The following DMD variants were observed in gnomAD, a reference collection of about 807,000 sequenced individuals.
DMD encodes dystrophin.
In DMD, 63 loss-of-function variants were observed where a neutral mutation model predicts 330.1. The observed-to-expected ratio is 0.19, with a 90% CI of 0.16 to 0.24. The LOEUF (loss-of-function observed/expected upper bound fraction) is 0.24, where lower values mean the gene tolerates loss of function less well. DMD is among the 10% of genes least tolerant of loss of function. The pLI is 1.00. For missense variants in DMD, 3,344 were observed against 2,684.1 expected, an observed-to-expected ratio of 1.25 and a Z score of -5.43; for synonymous variants, 1,223 against 959.8, an observed-to-expected ratio of 1.27 and a Z score of -5.07.
At chrX:32,471,708 T>C (rs1446907776) in intron 22 of DMD, among the ~76,000 whole-genome samples, 2 of 111,777 alleles carry the variant, frequency 1.8e-5, no homozygotes, top group African/African-American at 6.5e-5. Flanking sequence ...ACACCATTCA[T>C]ATAAAGGACT....
At chrX:32,032,175 ATTGT>A (rs1184465054) in intron 44 of DMD, among the ~76,000 whole-genome samples, 1 of 111,614 alleles carries the variant, frequency 9.0e-6, no homozygotes, top group Admixed American at 9.6e-5. Flanking sequence ...GATATATTTT[ATTGT>A]TTATTTGAAA....
At chrX:32,581,155 G>C (rs2053613155) in intron 13 of DMD, among the ~76,000 whole-genome samples, 1 of 112,425 alleles carries the variant, frequency 8.9e-6, no homozygotes, top group South Asian at 3.6e-4. Context: ...GAAAGCAAGT[G>C]CATAGAAGAT....
intron 41 of DMD, among the ~76,000 whole-genome samples, chrX:32,336,192 T>A (rs2097714453): frequency 9.0e-6 from 1 of 110,544 alleles, no homozygotes; most frequent in African/African-American, 3.3e-5. Context: ...GTATAGCATG[T>A]CATATATATA....
chrX:31,166,718 C>A (rs1374897393), intron 74 of DMD, among the ~76,000 whole-genome samples: 1 of 111,310 alleles, frequency 9.0e-6, no homozygotes, highest in South Asian at 3.8e-4. Flanking sequence ...GAAGACAGGA[C>A]AGGGCAGATC....
intron 57 of DMD, among the ~76,000 whole-genome samples, chrX:31,494,948 T>G (rs369994218): frequency 2.7e-5 from 3 of 112,025 alleles, no homozygotes; most frequent in East Asian, 5.6e-4. Flanking sequence ...TATCGCATAA[T>G]GCATTTTTTA....
In DMD at chrX:33,339,178, A is replaced by T. The variant is rs1052464638; in HGVS notation, c.7+81T>A. 1.1e-5 allele frequency: 11 copies of T among 978,276 alleles called. No homozygotes were observed. The African/African-American group carries it at 2.2e-4, about 19-fold the overall frequency. 80.6% of individuals were successfully genotyped at this position (978,276 alleles called of 1,213,427 possible). A position where few individuals can be genotyped will look rare whatever the true frequency, so the allele number is the denominator to read the frequency against. ...TCGGCAACAAACCCCAGCTACCAAC[A>T]GCTGCTTGTTCAAACATATGCTTTG... On this transcript the variant is annotated intron_variant, in intron 1 of 17. Coordinates refer to the DMD transcript ENST00000288447.
At chrX:31,204,782 C>A (rs2043899053) in intron 66 of DMD, among the ~76,000 whole-genome samples, 1 of 112,130 alleles carries the variant, frequency 8.9e-6, no homozygotes, top group South Asian at 3.7e-4. Context: ...GCCATCACAC[C>A]CAGCTAATTT....
At chrX:31,476,359 T>C (rs960543308) in intron 59 of DMD, among the ~76,000 whole-genome samples, 1 of 101,103 alleles carries the variant, frequency 9.9e-6, no homozygotes, top group South Asian at 4.6e-4. Flanking sequence ...TATATGTATA[T>C]ATACTATGTA....
chrX:32,692,807 C>T (rs992661920), intron 9 of DMD, among the ~76,000 whole-genome samples: 2 of 111,940 alleles, frequency 1.8e-5, no homozygotes, highest in South Asian at 7.4e-4. Context: ...TTTCTCAGAT[C>T]AGACCACAAA....
chrX:32,344,212 G>C (rs1217997645), intron 39 of DMD, among the ~76,000 whole-genome samples: 2 of 111,742 alleles, frequency 1.8e-5, no homozygotes, highest in Admixed American at 9.5e-5. Context: ...GTAGCAATTA[G>C]GGTTTTATTC....
chrX:32,710,157 T>G (rs1365836283), intron 7 of DMD, among the ~76,000 whole-genome samples: 3 of 105,975 alleles, frequency 2.8e-5, no homozygotes, highest in Non-Finnish European at 5.7e-5. Context: ...CAAGAACTTT[T>G]ATTATGTTTT....
At chrX:32,803,397 A>T (rs1603429809) in intron 7 of DMD, among the ~76,000 whole-genome samples, 1 of 103,006 alleles carries the variant, frequency 9.7e-6, no homozygotes, top group South Asian at 4.2e-4. Flanking sequence ...TATTTTGTTA[A>T]TCTTTTCAAA....
chrX:33,019,797 CA>C (rs2093878293), intron 2 of DMD, among the ~76,000 whole-genome samples: 1 of 111,148 alleles, frequency 9.0e-6, no homozygotes. Context: ...ATAATTTTCA[CA>C]ACAAAATTCC....
At chrX:31,452,063 T>A (rs2065795808) in intron 59 of DMD, among the ~76,000 whole-genome samples, 1 of 109,343 alleles carries the variant, frequency 9.1e-6, no homozygotes. Context: ...TTTAGCATAA[T>A]CAGAAACACT....
intron 2 of DMD, among the ~76,000 whole-genome samples, chrX:32,878,970 TGCACTCTA>T (rs750909994): frequency 2.0e-4 from 21 of 102,665 alleles, no homozygotes; most frequent in African/African-American, 6.9e-4. Flanking sequence ...ACAGCACCAC[TGCACTCTA>T]GCCTAGGCGA....
intron 61 of DMD, among the ~76,000 whole-genome samples, chrX:31,333,407 C>CTT (rs145925904): frequency 1.8e-4 from 7 of 39,337 alleles, no homozygotes; most frequent in East Asian, 1.2e-3. Context: ...CTGCCCCCGC[C>CTT]TTTTTTTTTT....
intron 43 of DMD, among the ~76,000 whole-genome samples, chrX:32,287,320 T>G (rs1313399607): frequency 8.9e-6 from 1 of 111,954 alleles, no homozygotes; most frequent in Non-Finnish European, 1.9e-5. Flanking sequence ...AACATAACGC[T>G]AAATTTAATA....
chrX:32,606,231 T>C lies in DMD; in HGVS notation c.1482+8072A>G, dbSNP rs181977576. Among the ~76,000 whole-genome samples the C allele has an allele frequency of 4.1e-3, 445 of 109,826 alleles. 3 individuals are homozygous for C. The highest frequency in any genetic ancestry group is 4.2e-3 in the South Asian group (11 of 2,650). ...TCCTTCTACTCTCTATTTCCATGAC[T>C]TCAATTGTTTTAATTTTTAGATCCC... On this transcript the variant is annotated intron_variant, in intron 12 of 78. Transcript: ENST00000357033.
chrX:31,930,387 T>G (rs1202985159), intron 46 of DMD, among the ~76,000 whole-genome samples: 1 of 110,765 alleles, frequency 9.0e-6, no homozygotes, highest in African/African-American at 3.3e-5. Context: ...GTAGTTTCAT[T>G]CTGGAGTCCT....
Sources: gnomAD v4.1 joint callset for allele counts (sites outside exome capture counted in the v4.1 genomes callset) on GRCh38, gnomAD v4.1.1 for gene constraint, MANE v1.5 for transcripts, NCBI Gene and HGNC (gene_info 2026-07-23, HGNC 2026-07-21) for gene names.